Variants in IL31RA observed in about 807,000 individuals in gnomAD.
IL31RA encodes the protein interleukin 31 receptor A.
A neutral mutation model predicts 83.7 loss-of-function variants in IL31RA; 66 were observed. The observed-to-expected ratio is 0.79, with a 90% CI of 0.65 to 0.97. The LOEUF is 0.97. IL31RA is among the 50% of genes least tolerant of loss of function. IL31RA has a pLI of 0.00. For synonymous variants in IL31RA, 325 were observed against 329.0 expected, an observed-to-expected ratio of 0.99 and a Z score of 0.13; for missense variants, 798 against 919.4, an observed-to-expected ratio of 0.87 and a Z score of 1.71.
At chr5:55,879,234 G>A (rs905447996) in intron 4 of IL31RA, among the ~76,000 whole-genome samples, 6 of 151,984 alleles carry the variant, frequency 3.9e-5, no homozygotes, top group African/African-American at 7.3e-5. Flanking sequence ...TAGGACCTGA[G>A]ATGCCACCTT....
In IL31RA at chr5:55,853,282, T is replaced by C. The variant is rs141948722; in HGVS notation, c.63+1649T>C. ...TGGTCTTTCAGATGATCCTTTTTTT[T>C]TGTAGAGTTGAGTGTTTTTGTTTTT... On this transcript the variant is annotated intron_variant, in intron 1 of 14. Coordinates refer to ENST00000652347, the MANE Select transcript of IL31RA (RefSeq NM_139017.7). 146 of 1,188,730 alleles carry C rather than the reference T, an allele frequency of 1.2e-4. No homozygotes were observed. The African/African-American group carries it at 2.0e-3, about 16-fold the overall frequency. 73.6% of individuals were successfully genotyped at this position (1,188,730 alleles called of 1,614,324 possible).
intron 14 of IL31RA, among the ~76,000 whole-genome samples, chr5:55,915,990 T>C (rs1051435224): frequency 2.0e-5 from 3 of 152,234 alleles, no homozygotes; most frequent in Non-Finnish European, 4.4e-5. Flanking sequence ...GGTTTTTCCA[T>C]CCCTAAGAGT....
intron 8 of IL31RA, chr5:55,902,183 A>G (rs890656581): frequency 3.3e-5 from 5 of 152,182 alleles, no homozygotes; most frequent in East Asian, 1.9e-4. Context: ...ATTTGCTCAC[A>G]TATTATTTAT....
At chr5:55,892,676 G>T (rs1748076051) in intron 6 of IL31RA, among the ~76,000 whole-genome samples, 1 of 152,150 alleles carries the variant, frequency 6.6e-6, no homozygotes. Context: ...CTCTTCCCCT[G>T]CCATGGCTGT....
At chr5:55,849,191 A>G (rs12521422), upstream of IL31RA, among the ~76,000 whole-genome samples, 1,187 of 152,222 alleles carry the variant, frequency 7.8e-3, 53 homozygotes, top group East Asian at 0.096. Flanking sequence ...TTCTTCACAG[A>G]AAAAATCACT....
the IL31RA span, among the ~76,000 whole-genome samples, chr5:55,845,962 A>G: frequency 6.6e-6 from 1 of 152,310 alleles, no homozygotes; most frequent in East Asian, 1.9e-4. Context: ...TAAAACTCAC[A>G]AAGTATGAGG....
At chr5:55,898,316 A>ACCACCCCC (rs1748558715) in intron 7 of IL31RA, among the ~76,000 whole-genome samples, 1 of 129,322 alleles carries the variant, frequency 7.7e-6, no homozygotes, top group African/African-American at 2.8e-5. Context: ...TTTTCTCCAC[A>ACCACCCCC]CCACCCCCCC....
intron 12 of IL31RA, among the ~76,000 whole-genome samples, chr5:55,911,788 T>G (rs1749516597): frequency 6.6e-6 from 1 of 152,192 alleles, no homozygotes; most frequent in African/African-American, 2.4e-5. Flanking sequence ...GAACAACGCT[T>G]TTTAGATTAA....
chr5:55,881,715 G>GC (rs1561553513), intron 4 of IL31RA, among the ~76,000 whole-genome samples: 1 of 77,468 alleles, frequency 1.3e-5, no homozygotes, highest in Non-Finnish European at 2.5e-5. Context: ...CAGTTCCTGA[G>GC]ATTTTTTTTT....
chr5:55,867,169 A>ATGTGTG (rs71602918), intron 2 of IL31RA, among the ~76,000 whole-genome samples: 1 of 106,116 alleles, frequency 9.4e-6, no homozygotes, highest in Non-Finnish European at 2.0e-5. Context: ...GTGTGTGTGC[A>ATGTGTG]TGTGTGTGTG....
At chr5:55,877,482 A>T (rs1007487485) in intron 4 of IL31RA, among the ~76,000 whole-genome samples, 1 of 152,178 alleles carries the variant, frequency 6.6e-6, no homozygotes, top group African/African-American at 2.4e-5. Context: ...GTGTCCTTTC[A>T]TTTCAACCTG....
rs886545692 is a variant in IL31RA, at chr5:55,918,878, C to T, written c.*1758C>T. ...GGTACACCAAGGAATGAGGGAGGCCCGAGGCAGGGCACTGGGGAATAAGAC... is the reference window on the plus strand; with the variant it reads ...GGTACACCAAGGAATGAGGGAGGCCTGAGGCAGGGCACTGGGGAATAAGAC... On this transcript the variant is annotated 3_prime_UTR_variant, in exon 15 of 15. Coordinates refer to ENST00000652347, the MANE Select transcript of IL31RA (RefSeq NM_139017.7). 2.0e-5 allele frequency among the ~76,000 whole-genome samples: 3 copies of T among 152,082 alleles called. No individual in the cohort carries two copies. The highest frequency in any genetic ancestry group is 4.4e-5 in the Non-Finnish European group (3 of 68,028).
chr5:55,898,807 T>A (rs565433703), intron 7 of IL31RA, among the ~76,000 whole-genome samples: 1 of 152,136 alleles, frequency 6.6e-6, no homozygotes, highest in Non-Finnish European at 1.5e-5. Flanking sequence ...GGGGATCACT[T>A]GAGGTCAGAA....
intron 12 of IL31RA, among the ~76,000 whole-genome samples, chr5:55,913,171 AC>A (rs1344881451): frequency 6.6e-6 from 1 of 151,758 alleles, no homozygotes; most frequent in Non-Finnish European, 1.5e-5. Context: ...GCTCACTGCA[AC>A]CTCCGCCTCC....
intron 12 of IL31RA, among the ~76,000 whole-genome samples, chr5:55,911,150 C>T: frequency 6.6e-6 from 1 of 151,510 alleles, no homozygotes; most frequent in East Asian, 1.9e-4. Flanking sequence ...CTGGGGAAGC[C>T]TCACAGTCAT....
intron 1 of IL31RA, among the ~76,000 whole-genome samples, chr5:55,855,893 T>C (rs1745331856): frequency 6.6e-6 from 1 of 152,132 alleles, no homozygotes; most frequent in African/African-American, 2.4e-5. Context: ...GTTGGTTTTG[T>C]TGTTGTTTGT....
At chr5:55,895,250 T>C (rs1465646815) in intron 6 of IL31RA, among the ~76,000 whole-genome samples, 1 of 152,164 alleles carries the variant, frequency 6.6e-6, no homozygotes, top group Non-Finnish European at 1.5e-5. Context: ...CCGCTAGCCG[T>C]CTCGACATTT....
chr5:55,904,629 G>C (rs1749021508), intron 8 of IL31RA, among the ~76,000 whole-genome samples: 1 of 152,172 alleles, frequency 6.6e-6, no homozygotes, highest in African/African-American at 2.4e-5. Context: ...TGGCCTTGCT[G>C]CTAGGACTAG....
In IL31RA at chr5:55,917,195, C is replaced by T. The variant is rs161699; in HGVS notation, c.*75C>T. 1,228,482 of 1,607,210 alleles carry T rather than the reference C, an allele frequency of 0.76. 472,187 individuals carry two copies. The highest frequency in any genetic ancestry group is 0.82 in the East Asian group (36,979 of 44,858). On this transcript the variant is annotated 3_prime_UTR_variant, in exon 15 of 15. Transcript: ENST00000652347. Reference sequence around the variant, plus strand: ...CCAGAGAAGATGTCAAGACTCGGCACGCAGCGCTTGCTTGGCCCTGCCACA... The same window carrying T: ...CCAGAGAAGATGTCAAGACTCGGCATGCAGCGCTTGCTTGGCCCTGCCACA...
Sources: gnomAD v4.1 joint callset for allele counts (sites outside exome capture counted in the v4.1 genomes callset) on GRCh38, gnomAD v4.1.1 for gene constraint, MANE v1.5 for transcripts, NCBI Gene and HGNC (gene_info 2026-07-23, HGNC 2026-07-21) for gene names.